HDAC9: variants seen among roughly 807,000 people sequenced by gnomAD.
HDAC9 encodes MEF-2 interacting transcription repressor (MITR) protein.
Under a neutral mutation model 139.4 loss-of-function variants are expected in HDAC9, and 41 were observed. The observed-to-expected ratio is 0.29, with a 90% CI of 0.23 to 0.38. The LOEUF (loss-of-function observed/expected upper bound fraction) is 0.38. Among genes scored for constraint, HDAC9 ranks in the 10% least tolerant of loss-of-function variants. HDAC9 has a pLI of 1.00. For missense variants in HDAC9, 1,147 were observed against 1,297.0 expected (o/e 0.88, Z 1.78); for synonymous variants, 517 against 476.2 (o/e 1.09, Z -1.12).
chr7:18,154,593 A>C (rs1787034887), intron 1 of HDAC9, among the ~76,000 whole-genome samples: 2 of 152,204 alleles, frequency 1.3e-5, no homozygotes, highest in Admixed American at 1.3e-4. Context: ...TGTTTAAGCA[A>C]CTGAGGCTCA....
chr7:18,861,839 G>A (rs975928471), intron 21 of HDAC9, among the ~76,000 whole-genome samples: 5 of 152,092 alleles, frequency 3.3e-5, no homozygotes, highest in African/African-American at 1.2e-4. Flanking sequence ...TTCTGGACCA[G>A]GTATATATGT....
chr7:18,592,708 C>T (rs989020754), intron 5 of HDAC9, among the ~76,000 whole-genome samples: 3 of 152,024 alleles, frequency 2.0e-5, no homozygotes, highest in Non-Finnish European at 2.9e-5. Flanking sequence ...TTTATAAATA[C>T]TTTTTAATGA....
intron 11 of HDAC9, among the ~76,000 whole-genome samples, chr7:18,662,872 T>A (rs925545428): frequency 5.3e-4 from 80 of 152,002 alleles, no homozygotes; most frequent in Non-Finnish European, 1.3e-4. Context: ...CTCAGCATGA[T>A]CGTAATTTGT....
chr7:18,282,751 G>A (rs958257240), intron 2 of HDAC9, among the ~76,000 whole-genome samples: 1 of 152,006 alleles, frequency 6.6e-6, no homozygotes, highest in Admixed American at 6.6e-5. Context: ...CCTTCTCTTG[G>A]CCACATGGTT....
intron 6 of HDAC9, among the ~76,000 whole-genome samples, chr7:18,612,108 T>A (rs763463240): frequency 1.3e-5 from 2 of 152,090 alleles, no homozygotes; most frequent in Non-Finnish European, 2.9e-5. Flanking sequence ...GAAAATACAA[T>A]TTTTCAAATC....
At chr7:18,918,299 G>C (rs1180677995) in intron 22 of HDAC9, among the ~76,000 whole-genome samples, 2 of 151,696 alleles carry the variant, frequency 1.3e-5, no homozygotes, top group Non-Finnish European at 2.9e-5. Flanking sequence ...ATGTTTCTCA[G>C]GTGGAAGGAG....
chr7:18,698,502 A>T (rs986171844), intron 12 of HDAC9, among the ~76,000 whole-genome samples: 1 of 152,124 alleles, frequency 6.6e-6, no homozygotes, highest in Non-Finnish European at 1.5e-5. Flanking sequence ...AGCTTGCCAC[A>T]CTTTGCTGAT....
At chr7:18,591,370 A>C in intron 4 of HDAC9, 146 bp from the exon 5 acceptor site, 2 of 1,165,414 alleles carry the variant, frequency 1.7e-6, no homozygotes, top group Non-Finnish European at 2.2e-6. Context: ...TTTAATAGGA[A>C]AACTTTATGT....
At chr7:18,544,583 C>T (rs7790924) in intron 2 of HDAC9, among the ~76,000 whole-genome samples, 6,419 of 152,210 alleles carry the variant, frequency 0.042, 214 homozygotes, top group African/African-American at 0.087. Flanking sequence ...TGTGAAGATA[C>T]AAGTTCTGAG....
chr7:18,490,149 G>A (rs1053950140), intron 1 of HDAC9, among the ~76,000 whole-genome samples: 2 of 152,002 alleles, frequency 1.3e-5, no homozygotes, highest in African/African-American at 4.8e-5. Context: ...TTTTTGCTGT[G>A]TAACTCCTGC....
At chr7:18,890,417 G>A (rs1800575333) in intron 22 of HDAC9, among the ~76,000 whole-genome samples, 1 of 152,182 alleles carries the variant, frequency 6.6e-6, no homozygotes. Flanking sequence ...TTGGAGATTT[G>A]TTTTGGAGAG....
At chr7:18,287,108 T>C (rs1166819129), upstream of HDAC9, among the ~76,000 whole-genome samples, 1 of 152,220 alleles carries the variant, frequency 6.6e-6, no homozygotes, top group Non-Finnish European at 1.5e-5. Context: ...TAATTTGTTT[T>C]GCCCATTTTA....
chr7:18,585,799 G>T (rs1023070815), intron 3 of HDAC9, among the ~76,000 whole-genome samples: 1 of 152,018 alleles, frequency 6.6e-6, no homozygotes, highest in Non-Finnish European at 1.5e-5. Flanking sequence ...TCTCCTACGT[G>T]ATTTTGTTCA....
chr7:18,271,678 G>C (rs572846678), intron 2 of HDAC9, among the ~76,000 whole-genome samples: 1 of 152,176 alleles, frequency 6.6e-6, no homozygotes, highest in South Asian at 2.1e-4. Flanking sequence ...CTTCAAGATG[G>C]GCATTTCGTG....
At chr7:18,629,293 T>C (rs1781587412) in intron 6 of HDAC9, 57 bp from the exon 7 acceptor site, 11 of 1,449,310 alleles carry the variant, frequency 7.6e-6, no homozygotes, top group Non-Finnish European at 1.0e-5. Flanking sequence ...ACATGAGCAA[T>C]TGGCTCTCTA....
intron 24 of HDAC9, among the ~76,000 whole-genome samples, chr7:18,963,424 A>G (rs917685116): frequency 1.1e-4 from 16 of 152,194 alleles, no homozygotes; most frequent in African/African-American, 2.7e-4. Flanking sequence ...CCAACAAAAT[A>G]TGAACTCAAA....
At chr7:18,610,658 T>C (rs1430639833) in intron 6 of HDAC9, among the ~76,000 whole-genome samples, 2 of 152,212 alleles carry the variant, frequency 1.3e-5, no homozygotes, top group Admixed American at 6.5e-5. Flanking sequence ...GTTTAGAGTT[T>C]TGTGTGGATT....
At position 18,955,628 on chromosome 7, in the gene HDAC9, G is replaced by A. The variant is rs1190089517; in HGVS notation, c.3022+1398G>A. On this transcript the variant is annotated intron_variant, in intron 24 of 25. Transcript: ENST00000686413. ...GCACAGAGGTTATGAAGAGGAATAA[G>A]ACATAGTTTCTGCATCAAGGAGCTA... 2.6e-5 allele frequency among the ~76,000 whole-genome samples: 4 copies of A among 152,082 alleles called. No individual in the cohort carries two copies. In the East Asian group the frequency reaches 7.7e-4, roughly 29 times the overall value.
intron 2 of HDAC9, among the ~76,000 whole-genome samples, chr7:18,223,997 T>C (rs1029245092): frequency 1.3e-5 from 2 of 152,206 alleles, no homozygotes; most frequent in Non-Finnish European, 2.9e-5. Context: ...TTTATCTTTC[T>C]ATTCAGGAAA....
Sources: gnomAD v4.1 joint callset for allele counts (sites outside exome capture counted in the v4.1 genomes callset) on GRCh38, gnomAD v4.1.1 for gene constraint, MANE v1.5 for transcripts, NCBI Gene and HGNC (gene_info 2026-07-23, HGNC 2026-07-21) for gene names.